The following ZNF536 variants were observed in gnomAD, a reference collection of about 807,000 sequenced individuals.
The protein encoded by ZNF536 is zinc finger protein 536.
Under a neutral mutation model 84.5 loss-of-function variants are expected in ZNF536, and 13 were observed. The observed-to-expected ratio is 0.15, with a 90% CI of 0.10 to 0.24. The LOEUF is 0.24. Among genes scored for constraint, ZNF536 ranks in the 10% least tolerant of loss-of-function variants. The pLI, the probability that ZNF536 is intolerant of heterozygous loss-of-function variation, is 1.00. For missense variants in ZNF536, 1,536 were observed against 1,747.5 expected, an observed-to-expected ratio of 0.88 and a Z score of 2.16; for synonymous variants, 811 against 742.5, an observed-to-expected ratio of 1.09 and a Z score of -1.50.
chr19:30,363,492 G>T (rs924831795), intron 3 of ZNF536, among the ~76,000 whole-genome samples: 1 of 152,056 alleles, frequency 6.6e-6, no homozygotes, highest in Non-Finnish European at 1.5e-5. Context: ...AGCATACACA[G>T]AGCCTGGCTA....
At chr19:30,687,059 T>C (rs578239917) in intron 1 of ZNF536, among the ~76,000 whole-genome samples, 44 of 152,276 alleles carry the variant, frequency 2.9e-4, no homozygotes, top group Middle Eastern at 3.4e-3. Context: ...AGCGAGGAGA[T>C]AGCAAGACTG....
chr19:30,317,983 G>A lies in ZNF536; in HGVS notation c.-120+33842G>A, dbSNP rs576016598. 3.3e-4 allele frequency among the ~76,000 whole-genome samples: 50 copies of A among 152,252 alleles called. 1 individual carries two copies. In the South Asian group the frequency reaches 9.6e-3, roughly 29 times the overall value. On this transcript the variant is annotated intron_variant, in intron 2 of 5. Coordinates refer to the ZNF536 transcript ENST00000585628. ...TGCCTACGCTGCAGGCTAAGCGACC[G>A]AGTGCTTGAGGTAAGAAATGCCACC...
At chr19:30,321,350 A>T (rs2046848478) in intron 2 of ZNF536, among the ~76,000 whole-genome samples, 1 of 152,128 alleles carries the variant, frequency 6.6e-6, no homozygotes, top group Admixed American at 6.5e-5. Flanking sequence ...TGAAGTCAGG[A>T]GTTTGAGACC....
intron 2 of ZNF536, among the ~76,000 whole-genome samples, chr19:30,323,102 T>A (rs2146273182): frequency 6.6e-6 from 1 of 151,674 alleles, no homozygotes; most frequent in East Asian, 2.0e-4. Context: ...ATTTTCCTAA[T>A]AAACCAGATC....
intron 1 of ZNF536, among the ~76,000 whole-genome samples, chr19:30,270,322 A>G (rs2025757780): frequency 6.6e-6 from 1 of 152,204 alleles, no homozygotes; most frequent in Admixed American, 6.5e-5. Flanking sequence ...AACTGAAGAA[A>G]ATTCAAGATG....
rs139455605 is a variant in ZNF536, at chr19:30,496,766, G to A, written c.2171-38081G>A. 2.6e-3 allele frequency among the ~76,000 whole-genome samples: 395 copies of A among 152,112 alleles called. 1 individual carries two copies. The highest frequency in any genetic ancestry group is 9.0e-3 in the African/African-American group (374 of 41,490). On this transcript the variant is annotated intron_variant, in intron 2 of 4. Transcript: ENST00000355537. ...GGGATACAGGTGAGAGTGATGGTCC[G>A]GGGTTGGCCTCGAGTAGATGCTTTT...
rs142750589 is a variant in ZNF536 at position 30,264,966 on chromosome 19, T to TGA, written c.-189-19091_-189-19090dup. Among the ~76,000 whole-genome samples, 239 of 133,846 alleles carry TGA rather than the reference T, an allele frequency of 1.8e-3. 1 individual carries two copies. The highest frequency in any genetic ancestry group is 3.9e-3 in the Middle Eastern group (1 of 256). The allele number at this position is 133,846 out of a possible 152,430, so 87.8% of individuals were successfully genotyped here. ...GTGTGTGTGTGTGTGTGTGTGTGTG[T>TGA]GAGAGAGAGAGAGAGAAAGAGAGAT... is the stretch of plus-strand genomic sequence containing the variant. On this transcript the variant is annotated intron_variant, in intron 1 of 5. Transcript: ENST00000585628.
intron 1 of ZNF536, among the ~76,000 whole-genome samples, chr19:30,646,033 G>A (rs1198220267): frequency 1.3e-5 from 2 of 152,118 alleles, no homozygotes; most frequent in African/African-American, 4.8e-5. Context: ...TCCTGCTACT[G>A]CATTCTGTAG....
At chr19:30,520,957 T>G (rs151168179) in intron 2 of ZNF536, among the ~76,000 whole-genome samples, 1,854 of 152,324 alleles carry the variant, frequency 0.012, 85 homozygotes, top group Admixed American at 0.073. Context: ...CATTGCCTGG[T>G]CAGTGGCTTC....
rs2022781062 is a variant in ZNF536 at position 30,228,772 on chromosome 19, T to A, written c.-190+99T>A. 1 of 149,600 alleles carries A rather than the reference T, an allele frequency of 6.7e-6. No individual in the cohort carries two copies. The highest frequency in any genetic ancestry group is 1.5e-5 in the Non-Finnish European group (1 of 67,620). 9.3% of individuals were successfully genotyped at this position (149,600 alleles called of 1,614,324 possible). ...CGCGCCGCCCCGGGCCGGCCTCGCG[T>A]GTGGGCGGCTGGGCGGCTGGGCGGC... On this transcript the variant is annotated intron_variant, in intron 1 of 5. Transcript: ENST00000585628. This position sits in a 1 kb window ranked among gnomAD's most constrained non-coding sequence, Gnocchi z 4.5.
chr19:30,408,451 C>A (rs2050353231), intron 1 of ZNF536, among the ~76,000 whole-genome samples: 1 of 152,282 alleles, frequency 6.6e-6, no homozygotes, highest in Non-Finnish European at 1.5e-5. Flanking sequence ...ACTCCATCTG[C>A]ATTATTTGTC....
At chr19:30,468,535 T>C (rs942320130) in intron 2 of ZNF536, among the ~76,000 whole-genome samples, 6 of 152,048 alleles carry the variant, frequency 3.9e-5, no homozygotes, top group African/African-American at 9.7e-5. Context: ...GGGGTCTGCA[T>C]TGAGCTGGGA....
chr19:30,291,902 G>A (rs920864524), intron 2 of ZNF536, among the ~76,000 whole-genome samples: 8 of 152,034 alleles, frequency 5.3e-5, no homozygotes, highest in African/African-American at 1.5e-4. Flanking sequence ...TCGTGATACC[G>A]GGACATTGTA....
chr19:30,422,861 C>T (rs905770738), intron 1 of ZNF536, among the ~76,000 whole-genome samples: 11 of 135,924 alleles, frequency 8.1e-5, no homozygotes, highest in Non-Finnish European at 3.2e-5. Context: ...ATCCAACCAT[C>T]CATCCATCCA....
chr19:30,500,367 G>A (rs1374577631), intron 2 of ZNF536, among the ~76,000 whole-genome samples: 1 of 152,144 alleles, frequency 6.6e-6, no homozygotes, highest in Non-Finnish European at 1.5e-5. Context: ...ATGGATTTGA[G>A]TTGCATAACT....
chr19:30,706,330 A>G (rs988978269), intron 1 of ZNF536, among the ~76,000 whole-genome samples: 2 of 152,148 alleles, frequency 1.3e-5, no homozygotes, highest in Non-Finnish European at 2.9e-5. Flanking sequence ...TAAAAAAAAT[A>G]CAAAAAGTTA....
chr19:30,277,673 A>C (rs1171631482), intron 1 of ZNF536, among the ~76,000 whole-genome samples: 2 of 152,174 alleles, frequency 1.3e-5, no homozygotes, highest in African/African-American at 4.8e-5. Flanking sequence ...GCACATACCC[A>C]CACACACACT....
chr19:30,456,228 T>C (rs1032805401), intron 2 of ZNF536, among the ~76,000 whole-genome samples: 6 of 151,870 alleles, frequency 4.0e-5, no homozygotes, highest in South Asian at 2.1e-4. Flanking sequence ...GCTAGAAAGA[T>C]GGAGAATCCA....
intron 1 of ZNF536, among the ~76,000 whole-genome samples, chr19:30,407,411 G>T (rs2050305573): frequency 6.6e-6 from 1 of 152,104 alleles, no homozygotes; most frequent in African/African-American, 2.4e-5. Flanking sequence ...AGGGTGGGGG[G>T]CTCCCCACAC....
Sources: gnomAD v4.1 joint callset for allele counts (sites outside exome capture counted in the v4.1 genomes callset) on GRCh38, gnomAD v4.1.1 for gene constraint, Gnocchi (gnomAD v3.1) non-coding constraint, MANE v1.5 for transcripts, NCBI Gene and HGNC (gene_info 2026-07-23, HGNC 2026-07-21) for gene names.